CDH13: variants seen among roughly 807,000 people sequenced by gnomAD.
CDH13 encodes cadherin-13.
Under a neutral mutation model 63.8 loss-of-function variants are expected in CDH13, and 24 were observed. The observed-to-expected ratio is 0.38, with a 90% CI of 0.27 to 0.53. The LOEUF (loss-of-function observed/expected upper bound fraction) is 0.53. Among genes scored for constraint, CDH13 ranks in the 20% least tolerant of loss-of-function variants. CDH13 has a pLI of 0.85. For synonymous variants in CDH13, 503 were observed against 355.3 expected, an observed-to-expected ratio of 1.42 and a Z score of -4.67; for missense variants, 1,049 against 903.1, an observed-to-expected ratio of 1.16 and a Z score of -2.07.
intron 10 of CDH13, among the ~76,000 whole-genome samples, chr16:83,705,912 A>C (rs114474533): frequency 1.4e-4 from 22 of 152,328 alleles, no homozygotes; most frequent in African/African-American, 5.1e-4. Context: ...GTGGGAGAGT[A>C]GATAAGTCTG....
chr16:82,679,677 T>C (rs1028227696), intron 1 of CDH13, among the ~76,000 whole-genome samples: 31 of 152,218 alleles, frequency 2.0e-4, no homozygotes, highest in Admixed American at 6.5e-5. Context: ...GCCTTGGTTA[T>C]GTATTCGTCG....
chr16:82,712,500 T>C (rs1458274709), intron 1 of CDH13, among the ~76,000 whole-genome samples: 1 of 152,176 alleles, frequency 6.6e-6, no homozygotes, highest in Non-Finnish European at 1.5e-5. Context: ...AATGGCTTCA[T>C]TTTTCTCTTA....
chr16:83,077,148 T>TTTTC (rs138620569), intron 3 of CDH13, among the ~76,000 whole-genome samples: 3,576 of 150,046 alleles, frequency 0.024, 147 homozygotes, highest in African/African-American at 0.084. Flanking sequence ...CAGCATAAGA[T>TTTTC]TTTCTTTTTC....
intron 1 of CDH13, among the ~76,000 whole-genome samples, chr16:82,814,902 A>G (rs57693196): frequency 0.022 from 3,420 of 152,092 alleles, 127 homozygotes; most frequent in African/African-American, 0.078. Flanking sequence ...GAATCAGAGG[A>G]TTACCCGCTG....
intron 9 of CDH13, among the ~76,000 whole-genome samples, chr16:83,677,086 A>T (rs1915015456): frequency 1.3e-5 from 2 of 152,280 alleles, no homozygotes; most frequent in South Asian, 4.1e-4. Flanking sequence ...AAGCATTAGG[A>T]ACTTGATAGA....
chr16:83,204,779 A>T (rs55992624), intron 4 of CDH13, among the ~76,000 whole-genome samples: 7,096 of 152,284 alleles, frequency 0.047, 345 homozygotes, highest in African/African-American at 0.12. Flanking sequence ...TTAGGTGGGA[A>T]CTGTGTTCCT....
At chr16:83,513,278 A>T (rs1214564982) in intron 7 of CDH13, among the ~76,000 whole-genome samples, 2 of 152,152 alleles carry the variant, frequency 1.3e-5, no homozygotes, top group Non-Finnish European at 2.9e-5. Context: ...TCAGCCCCTG[A>T]CCACAGAGTG....
chr16:82,966,127 A>T (rs1471742313), intron 2 of CDH13, among the ~76,000 whole-genome samples: 2 of 152,176 alleles, frequency 1.3e-5, no homozygotes, highest in African/African-American at 4.8e-5. Flanking sequence ...TGAGAAGTAG[A>T]TACTATTTTT....
chr16:83,681,459 A>G (rs925756961), intron 10 of CDH13, among the ~76,000 whole-genome samples: 1 of 151,810 alleles, frequency 6.6e-6, no homozygotes, highest in Non-Finnish European at 1.5e-5. Flanking sequence ...CTCTGGCCTC[A>G]CTCCTCAGGC....
chr16:83,659,511 C>G (rs917440963), intron 8 of CDH13, among the ~76,000 whole-genome samples: 13 of 152,274 alleles, frequency 8.5e-5, no homozygotes, highest in African/African-American at 3.1e-4. Context: ...TTACCTCAAG[C>G]TGTTGTTCTC....
At chr16:83,748,035 T>G in intron 10 of CDH13, 73 bp from the exon 11 acceptor site, 1 of 1,527,396 alleles carries the variant, frequency 6.5e-7, no homozygotes, top group Non-Finnish European at 9.1e-7. Context: ...TAGGAGCTCA[T>G]GCCCTGCACT....
At chr16:83,232,834 C>G (rs146071462) in intron 5 of CDH13, among the ~76,000 whole-genome samples, 189 of 152,258 alleles carry the variant, frequency 1.2e-3, no homozygotes, top group African/African-American at 4.3e-3. Context: ...ATTGATAGCT[C>G]CAGCCCTTTT....
intron 2 of CDH13, among the ~76,000 whole-genome samples, chr16:82,883,470 A>G (rs1209308208): frequency 6.6e-6 from 1 of 152,218 alleles, no homozygotes; most frequent in African/African-American, 2.4e-5. Context: ...ATCAGGCTGG[A>G]ACACAGGAAT....
At chr16:82,746,136 C>T (rs2034154855) in intron 1 of CDH13, among the ~76,000 whole-genome samples, 2 of 148,708 alleles carry the variant, frequency 1.3e-5, no homozygotes, top group South Asian at 2.1e-4. Context: ...CATATAAGCA[C>T]ACATCAAACA....
chr16:83,488,484 G>T (rs2073942726), intron 7 of CDH13, among the ~76,000 whole-genome samples: 1 of 152,196 alleles, frequency 6.6e-6, no homozygotes, highest in Non-Finnish European at 1.5e-5. Context: ...AGAGAAATTT[G>T]CATTGAAACT....
intron 2 of CDH13, among the ~76,000 whole-genome samples, chr16:82,901,272 C>T (rs945494805): frequency 1.3e-5 from 2 of 150,916 alleles, no homozygotes; most frequent in African/African-American, 4.9e-5. Context: ...TGCAGGCCTT[C>T]AAATATGATT....
chr16:83,676,236 C>A (rs1036003977), intron 9 of CDH13, among the ~76,000 whole-genome samples: 6 of 152,202 alleles, frequency 3.9e-5, no homozygotes, highest in Admixed American at 3.9e-4. Context: ...ACCCCACTAT[C>A]CTCCTGCTTG....
chr16:83,053,753 A>T (rs1009629282), intron 3 of CDH13, among the ~76,000 whole-genome samples: 21 of 152,196 alleles, frequency 1.4e-4, no homozygotes, highest in African/African-American at 4.6e-4. Context: ...ATATTTATAG[A>T]ACTATACAGC....
chr16:82,722,322 A>G (rs537579919), intron 1 of CDH13, among the ~76,000 whole-genome samples: 5 of 152,118 alleles, frequency 3.3e-5, no homozygotes, highest in South Asian at 2.1e-4. Context: ...ACTTTTTTCT[A>G]TGGTGACTTC....
Sources: gnomAD v4.1 joint callset for allele counts (sites outside exome capture counted in the v4.1 genomes callset) on GRCh38, gnomAD v4.1.1 for gene constraint, MANE v1.5 for transcripts, NCBI Gene and HGNC (gene_info 2026-07-23, HGNC 2026-07-21) for gene names.